The following CIDEC variants were observed in gnomAD, a reference collection of about 807,000 sequenced individuals.
CIDEC encodes cell death inducing DFFA like effector c.
In CIDEC, 11 loss-of-function variants were observed where a neutral mutation model predicts 21.9. The observed-to-expected ratio is 0.50, with a 90% CI of 0.32 to 0.83. The LOEUF (loss-of-function observed/expected upper bound fraction) is 0.83, where lower values mean the gene tolerates loss of function less well. Among genes scored for constraint, CIDEC ranks in the 40% least tolerant of loss-of-function variants. CIDEC has a pLI of 0.04. For synonymous variants in CIDEC, 127 were observed against 124.9 expected, an observed-to-expected ratio of 1.02 and a Z score of -0.11; for missense variants, 302 against 302.3, an observed-to-expected ratio of 1.00 and a Z score of 0.01.
chr3:9,867,653 C>T (rs544560121), intron 6 of CIDEC, among the ~76,000 whole-genome samples: 2 of 150,234 alleles, frequency 1.3e-5, no homozygotes, highest in African/African-American at 2.5e-5. Flanking sequence ...CAAGGCTGGG[C>T]TTGGTGGCTC....
chr3:9,869,788 C>G, intron 6 of CIDEC, 94 bp downstream of exon 6: 1 of 1,192,164 alleles, frequency 8.4e-7, no homozygotes, highest in Non-Finnish European at 1.2e-6. Context: ...CAAAGCCAGA[C>G]CCAGGCGCTG....
intron 1 of CIDEC, among the ~76,000 whole-genome samples, chr3:9,879,757 T>C (rs2082479380): frequency 6.6e-6 from 1 of 152,128 alleles, no homozygotes; most frequent in Non-Finnish European, 1.5e-5. Flanking sequence ...AAAAGGAAAG[T>C]CTTCTTAGAC....
intron 4 of CIDEC, among the ~76,000 whole-genome samples, chr3:9,873,138 G>T (rs1238065356): frequency 6.6e-6 from 1 of 151,860 alleles, no homozygotes; most frequent in Admixed American, 6.6e-5. Context: ...CTTTGGTGCC[G>T]TATCTAGGAA....
In CIDEC at chr3:9,867,274, A is replaced by G. The variant is rs1348714580; in HGVS notation, c.577T>C (p.Phe193Leu). ...IMKEAFRWAL[F>L]SMQATGHVLL... is the part of the protein sequence containing the mutation. ...ACGTGGCCTGTGGCCTGCATGCTGA[A>G]GAGGGCCCAGCGGAAAGCTTCCCTG... is the stretch of plus-strand genomic sequence containing the variant. The change falls in exon 7 of 7, where the codon TTC becomes CTC. Residue 193 changes from phenylalanine (F) to leucine (L), a missense_variant. Transcript: ENST00000336832. 2.5e-6 allele frequency: 4 copies of G among 1,614,186 alleles called. No homozygotes were observed. Among genetic ancestry groups the G allele is most frequent in the Non-Finnish European group, 3.4e-6 (4 of 1,180,040 alleles).
intron 3 of CIDEC, among the ~76,000 whole-genome samples, 165 bp from the exon 4 acceptor site, chr3:9,877,384 G>C (rs1012068063): frequency 3.3e-5 from 5 of 152,232 alleles, no homozygotes; most frequent in Non-Finnish European, 7.3e-5. Context: ...CTAGAAGCCA[G>C]GCACGGTGGC....
In CIDEC at chr3:9,869,961, G is replaced by A. The variant is rs1310582598; in HGVS notation, c.475C>T (p.Leu159=). Residue 159 remains leucine (L), a synonymous_variant, in exon 6 of 7, where the codon CTG becomes TTG. Coordinates refer to ENST00000336832, the MANE Select transcript of CIDEC (RefSeq NM_001321142.2). ...TCATAAAAAGTCGCCTTCACGTTCA[G>A]GCAGCCAATGAAGTCCTGTGGGTTC... The part of the protein sequence containing the change: ...KLNPQDFIGC[L]NVKATFYDTY... 1.2e-6 allele frequency: 2 copies of A among 1,614,102 alleles called. No homozygotes were observed. The highest frequency in any genetic ancestry group is 2.7e-5 in the African/African-American group (2 of 74,928).
chr3:9,877,284 G>T, intron 3 of CIDEC, 65 bp from the exon 4 acceptor site: 1 of 1,482,148 alleles, frequency 6.7e-7, no homozygotes, highest in South Asian at 1.2e-5. Flanking sequence ...CCACACAGGG[G>T]AGCCACCTCC....
intron 6 of CIDEC, among the ~76,000 whole-genome samples, chr3:9,868,660 C>T (rs1294422182): frequency 6.6e-6 from 1 of 152,194 alleles, no homozygotes; most frequent in African/African-American, 2.4e-5. Flanking sequence ...TTTGGTTAGA[C>T]TTTCAAAAAT....
intron 4 of CIDEC, among the ~76,000 whole-genome samples, chr3:9,874,628 G>A (rs1295273023): frequency 1.3e-5 from 2 of 152,004 alleles, no homozygotes; most frequent in African/African-American, 4.8e-5. Context: ...ATAAATAACA[G>A]AGGGGAAAAT....
intron 1 of CIDEC, among the ~76,000 whole-genome samples, chr3:9,879,640 G>A (rs546631539): frequency 6.6e-6 from 1 of 152,094 alleles, no homozygotes; most frequent in East Asian, 1.9e-4. Context: ...CTCTTGAAGG[G>A]CCCAACCCTT....
At chr3:9,870,549 TA>T in intron 4 of CIDEC, 1 of 1,320,582 alleles carries the variant, frequency 7.6e-7, no homozygotes, top group Non-Finnish European at 1.0e-6. Flanking sequence ...TTACATACTC[TA>T]AAAGTTACCC....
chr3:9,869,494 C>G (rs963661197), intron 6 of CIDEC, among the ~76,000 whole-genome samples: 4 of 152,176 alleles, frequency 2.6e-5, no homozygotes, highest in African/African-American at 9.7e-5. Context: ...AAGTGATCCA[C>G]CCACCTTGGC....
At chr3:9,878,781 CAT>C in intron 2 of CIDEC, 159 bp downstream of exon 2, 1 of 1,536,264 alleles carries the variant, frequency 6.5e-7, no homozygotes. Flanking sequence ...CCACTCACTC[CAT>C]GTTTCTCATC....
intron 6 of CIDEC, among the ~76,000 whole-genome samples, chr3:9,868,817 C>T (rs1302665840): frequency 6.6e-6 from 1 of 152,206 alleles, no homozygotes; most frequent in Non-Finnish European, 1.5e-5. Flanking sequence ...ACATTTATCT[C>T]TCTTTTTCTT....
In CIDEC at chr3:9,867,008, C is replaced by G; in HGVS notation, c.*126G>C. On this transcript the variant is annotated 3_prime_UTR_variant, in exon 7 of 7. Transcript: ENST00000336832. ...CAGCTCCTCCTCCTCACTCAGGGTC[C>G]TGCGCGGTGAGGGAGGTGTGGGGAG... 2 of 1,046,028 alleles carry G rather than the reference C, an allele frequency of 1.9e-6. No homozygotes were observed. Among genetic ancestry groups the G allele is most frequent in the Non-Finnish European group, 3.0e-6 (2 of 666,782 alleles). 64.8% of individuals were successfully genotyped at this position (1,046,028 alleles called of 1,614,324 possible). A position where few individuals can be genotyped will look rare whatever the true frequency, so the allele number is the denominator to read the frequency against.
chr3:9,879,368 C>T (rs1339312539), intron 1 of CIDEC, among the ~76,000 whole-genome samples: 1 of 152,084 alleles, frequency 6.6e-6, no homozygotes, highest in African/African-American at 2.4e-5. Context: ...GACTGGGTTT[C>T]ACCATGTTGG....
rs766300395 is a variant in CIDEC at position 9,870,401 on chromosome 3, G to A, written c.208-79C>T. The stretch of plus-strand genomic sequence containing the variant: ...TCTATGAGGTGGAACTGGAGCCCAG[G>A]CCCTCTGCTGTGGAATCACTACCCA... On this transcript the variant is annotated intron_variant, in intron 4 of 6. Coordinates refer to ENST00000336832, the MANE Select transcript of CIDEC (RefSeq NM_001321142.2). 6.9e-6 allele frequency: 11 copies of A among 1,594,218 alleles called. No individual in the cohort carries two copies. In the South Asian group the frequency reaches 1.1e-4, roughly 16 times the overall value.
In CIDEC at chr3:9,877,154, G is replaced by A. The variant is rs772831652; in HGVS notation, c.119C>T (p.Pro40Leu). Residue 40 changes from proline (P) to leucine (L), a missense_variant, in exon 4 of 7, where the codon CCC (proline) becomes CTC (leucine). By Grantham distance (98) the Pro-to-Leu change is moderately conservative (BLOSUM62 -3). Transcript: ENST00000336832. Reference sequence around the variant, plus strand: ...GCTTACGCGGCAGGGCCGGGCCCTGGGGGCCTTGGGGCTGGGCTCCGACAG... The same window carrying A: ...GCTTACGCGGCAGGGCCGGGCCCTGAGGGCCTTGGGGCTGGGCTCCGACAG... ...QLLSEPSPKA[P>L]RARPCRVSTA... is the part of the protein sequence containing the mutation. 1 of 1,551,592 alleles carries A rather than the reference G, an allele frequency of 6.4e-7. No homozygotes were observed. Among genetic ancestry groups the A allele is most frequent in the Admixed American group, 2.0e-5 (1 of 51,038 alleles).
rs145323356 is a variant in CIDEC, at chr3:9,869,955, C to T, written c.481G>A (p.Val161Met). 5.1e-4 allele frequency: 823 copies of T among 1,614,198 alleles called. No homozygotes were observed. The Middle Eastern group carries it at 6.6e-3, about 13-fold the overall frequency. ...TATGTATCATAAAAAGTCGCCTTCA[C>T]GTTCAGGCAGCCAATGAAGTCCTGT... ...NPQDFIGCLN[V>M]KATFYDTYSL... is the part of the protein sequence containing the mutation. The change falls in exon 6 of 7, where the codon GTG (valine) becomes ATG (methionine). Residue 161 changes from valine to methionine, a missense_variant. Coordinates refer to ENST00000336832, the MANE Select transcript of CIDEC (RefSeq NM_001321142.2).
Sources: allele counts gnomAD v4.1 joint callset (sites outside exome capture counted in the v4.1 genomes callset), GRCh38; gene constraint gnomAD v4.1.1; transcripts MANE v1.5; gene names NCBI Gene and HGNC (gene_info 2026-07-23, HGNC 2026-07-21).